Variants in TMTC3 observed in about 807,000 individuals in gnomAD.
TMTC3 encodes protein O-mannosyl-transferase TMTC3.
TMTC3 carries 52 observed loss-of-function variants against 92.2 expected under a neutral mutation model. The ratio of observed to expected loss-of-function variants is 0.56; its 90% CI spans 0.45 to 0.71. The LOEUF is 0.71. TMTC3 is among the 30% of genes least tolerant of loss of function. TMTC3 has a pLI of 0.00. For synonymous variants in TMTC3, 339 were observed against 363.3 expected (o/e 0.93, Z 0.76); for missense variants, 896 against 1,057.1 (o/e 0.85, Z 2.11).
Position 88,196,597 on chromosome 12 carries a change from A to G in TMTC3, c.*948A>G, listed in dbSNP as rs555400957. 1 of 152,012 alleles carries G rather than the reference A, an allele frequency of 6.6e-6. No homozygotes were observed. The highest frequency in any genetic ancestry group is 2.1e-4 in the South Asian group (1 of 4,826). The allele number at this position is 152,012 out of a possible 1,614,324, so 9.4% of individuals were successfully genotyped here. On this transcript the variant is annotated 3_prime_UTR_variant, in exon 14 of 14. Coordinates refer to ENST00000266712, the MANE Select transcript of TMTC3 (RefSeq NM_181783.4). ...CAATTGAATTATTCTTAGATACCTT[A>G]AGCCACTGAATTCAGTTCTGTTTGA...
chr12:88,177,368 T>G (rs2041271264), intron 10 of TMTC3, among the ~76,000 whole-genome samples: 1 of 152,134 alleles, frequency 6.6e-6, no homozygotes, highest in African/African-American at 2.4e-5. Flanking sequence ...TTGCAACTTT[T>G]TAGCTATAAT....
In TMTC3 at chr12:88,196,695, T is replaced by C. The variant is rs2041517322; in HGVS notation, c.*1046T>C. The stretch of plus-strand genomic sequence containing the variant: ...GATATTTTGTTATGGTATATCTTTT[T>C]ATTAAATATTTATTTTGACTAAGCT... On this transcript the variant is annotated 3_prime_UTR_variant, in exon 14 of 14. Coordinates refer to ENST00000266712, the MANE Select transcript of TMTC3 (RefSeq NM_181783.4). 1.3e-5 allele frequency: 2 copies of C among 151,964 alleles called. No homozygotes were observed. The highest frequency in any genetic ancestry group is 6.6e-5 in the Admixed American group (1 of 15,258). 9.4% of individuals were successfully genotyped at this position (151,964 alleles called of 1,614,324 possible).
Position 88,195,206 on chromosome 12 carries a change from C to T in TMTC3, c.2302C>T (p.Pro768Ser), listed in dbSNP as rs2041495570. ...TTTTGAAAGGATTTTGGAGATGGAT[C>T]CAAGCAATGTGCAAGGAAAACACAA... is the stretch of plus-strand genomic sequence containing the variant. ...KCFERILEMD[P>S]SNVQGKHNLC... The change falls in exon 14 of 14, where the codon CCA (proline) becomes TCA (serine). Residue 768 changes from proline (P) to serine (S), a missense_variant. Coordinates refer to ENST00000266712, the MANE Select transcript of TMTC3 (RefSeq NM_181783.4). 1 of 1,613,636 alleles carries T rather than the reference C, an allele frequency of 6.2e-7. No homozygotes were observed. The highest frequency in any genetic ancestry group is 1.3e-5 in the African/African-American group (1 of 74,882).
intron 2 of TMTC3, among the ~76,000 whole-genome samples, chr12:88,148,997 G>C (rs2040909545): frequency 6.6e-6 from 1 of 151,914 alleles, no homozygotes; most frequent in Admixed American, 6.6e-5. Flanking sequence ...TTGTGAGTAA[G>C]GCAAAAGAGA....
rs759106856 is a variant in TMTC3, at chr12:88,153,286, T to C, written c.190-5T>C. 2.5e-6 allele frequency: 4 copies of C among 1,605,018 alleles called. No homozygotes were observed. The highest frequency in any genetic ancestry group is 2.2e-5 in the South Asian group (2 of 89,892). ...TAATAATCACTGATCGTTTTTTCCTTGTAGGAGAGAAGCCACAAGTCTTAC... is the reference window on the plus strand; with the variant it reads ...TAATAATCACTGATCGTTTTTTCCTCGTAGGAGAGAAGCCACAAGTCTTAC... On this transcript the variant is annotated splice_polypyrimidine_tract_variant and splice_region_variant and intron_variant, in intron 2 of 13. Coordinates refer to ENST00000266712, the MANE Select transcript of TMTC3 (RefSeq NM_181783.4).
chr12:88,153,200 T>C (rs952547342), intron 2 of TMTC3, 91 bp from the exon 3 acceptor site: 11 of 692,932 alleles, frequency 1.6e-5, no homozygotes, highest in East Asian at 1.1e-4. Context: ...AATGTAGATA[T>C]TAATATCTTT....
intron 11 of TMTC3, among the ~76,000 whole-genome samples, chr12:88,189,835 C>T (rs996773415): frequency 6.6e-6 from 1 of 151,880 alleles, no homozygotes; most frequent in Non-Finnish European, 1.5e-5. Context: ...ATATATGGAT[C>T]GAGACTTCCA....
chr12:88,183,117 C>T (rs2041336702), intron 10 of TMTC3, among the ~76,000 whole-genome samples: 1 of 152,106 alleles, frequency 6.6e-6, no homozygotes, highest in African/African-American at 2.4e-5. Flanking sequence ...CTTTTAATTG[C>T]TCCTCAACTA....
At chr12:88,158,675 T>G (rs531256625) in intron 4 of TMTC3, among the ~76,000 whole-genome samples, 2 of 35,798 alleles carry the variant, frequency 5.6e-5, no homozygotes, top group Non-Finnish European at 2.5e-4. Context: ...CAGAAGAAAA[T>G]GTATTCATGA....
intron 1 of TMTC3, among the ~76,000 whole-genome samples, chr12:88,147,928 C>CT (rs369966117): frequency 6.6e-6 from 1 of 151,934 alleles, no homozygotes; most frequent in Admixed American, 6.6e-5. Context: ...TATGGACAGA[C>CT]TTTTTTTTAC....
chr12:88,177,129 C>T (rs934199748), intron 10 of TMTC3, among the ~76,000 whole-genome samples: 2 of 151,976 alleles, frequency 1.3e-5, no homozygotes, highest in Non-Finnish European at 2.9e-5. Context: ...AGTTTGAGAC[C>T]AGCCTGGGCA....
intron 10 of TMTC3, among the ~76,000 whole-genome samples, chr12:88,178,721 G>A (rs1021597943): frequency 3.3e-5 from 5 of 152,116 alleles, no homozygotes; most frequent in Non-Finnish European, 7.4e-5. Flanking sequence ...TGCAATGCAT[G>A]GATTAATTAT....
At chr12:88,191,584 A>C (rs1229590560) in intron 12 of TMTC3, among the ~76,000 whole-genome samples, 1 of 152,188 alleles carries the variant, frequency 6.6e-6, no homozygotes. Flanking sequence ...AAATAGAACC[A>C]CACTAGAAAG....
chr12:88,187,042 T>C (rs776680613), intron 10 of TMTC3, among the ~76,000 whole-genome samples: 36 of 152,096 alleles, frequency 2.4e-4, no homozygotes, highest in Non-Finnish European at 5.0e-4. Flanking sequence ...AATTACAGTT[T>C]TATTTTAACA....
In TMTC3 at chr12:88,199,184, A is replaced by G. The variant is rs2138459528; in HGVS notation, c.*3535A>G. 6.6e-6 allele frequency: 1 copy of G among 152,130 alleles called. No homozygotes were observed. The highest frequency in any genetic ancestry group is 1.5e-5 in the Non-Finnish European group (1 of 67,942). The allele number at this position is 152,130 out of a possible 1,614,324, so 9.4% of individuals were successfully genotyped here. On this transcript the variant is annotated 3_prime_UTR_variant, in exon 14 of 14. Coordinates refer to ENST00000266712, the MANE Select transcript of TMTC3 (RefSeq NM_181783.4). ...ACATTTTCAAACATGAGGAGTGACA[A>G]CCACCAAATTAAGAAAAGGAAACAA...
Position 88,176,271 on chromosome 12 carries a change from T to C in TMTC3, c.1384T>C (p.Phe462Leu). ...VGHALENEKN[F>L]ERALKYFLQA... is the part of the protein sequence containing the mutation. ...TCATGCTCTGGAAAATGAAAAGAAC[T>C]TTGAGAGAGCTTTGAAATACTTCTT... The change falls in exon 10 of 14, where the codon TTT (phenylalanine) becomes CTT (leucine). Residue 462 changes from phenylalanine (F) to leucine (L), a missense_variant. By Grantham distance (22) the Phe-to-Leu change is conservative. Coordinates refer to ENST00000266712, the MANE Select transcript of TMTC3 (RefSeq NM_181783.4). The C allele has an allele frequency of 1.9e-6, 3 of 1,612,448 alleles. No homozygotes were observed. Among genetic ancestry groups the C allele is most frequent in the Non-Finnish European group, 2.5e-6 (3 of 1,179,196 alleles).
chr12:88,195,564 C>T lies in TMTC3; in HGVS notation c.2660C>T (p.Thr887Ile). The T allele has an allele frequency of 6.2e-7, 1 of 1,611,764 alleles. No individual in the cohort carries two copies. The highest frequency in any genetic ancestry group is 8.5e-7 in the Non-Finnish European group (1 of 1,179,390). ...NGDEETPHKTTKDIKEIEKKR... is the reference protein window; with the variant it reads ...NGDEETPHKTIKDIKEIEKKR... The stretch of plus-strand genomic sequence containing the variant: ...GACGAAGAGACACCCCACAAAACAA[C>T]AAAAGACATCAAAGAAATTGAGAAG... The change falls in exon 14 of 14, where the codon ACA (threonine) becomes ATA (isoleucine). Residue 887 changes from threonine to isoleucine, a missense_variant. Transcript: ENST00000266712.
intron 5 of TMTC3, among the ~76,000 whole-genome samples, chr12:88,160,466 G>A (rs1312442882): frequency 6.6e-6 from 1 of 152,028 alleles, no homozygotes; most frequent in African/African-American, 2.4e-5. Flanking sequence ...TCATTAGGCA[G>A]CTTGGAAAAG....
At chr12:88,148,160 G>T (rs2040898788) in intron 1 of TMTC3, 128 bp from the exon 2 acceptor site, 1 of 598,556 alleles carries the variant, frequency 1.7e-6, no homozygotes, top group Non-Finnish European at 2.9e-6. Flanking sequence ...ATGCTTCTTA[G>T]AAGTGGATGG....
Sources: gnomAD v4.1 joint callset for allele counts (sites outside exome capture counted in the v4.1 genomes callset) on GRCh38, gnomAD v4.1.1 for gene constraint, MANE v1.5 for transcripts, NCBI Gene and HGNC (gene_info 2026-07-23, HGNC 2026-07-21) for gene names.